The following LRP1B variants were observed in gnomAD, a reference collection of about 807,000 sequenced individuals.
LRP1B encodes the protein low-density lipoprotein receptor-related protein 1B.
In LRP1B, 217 loss-of-function variants were observed where a neutral mutation model predicts 556.6. That is an observed-to-expected ratio of 0.39 (90% CI 0.35 to 0.44). The LOEUF is 0.44. Ranked by LOEUF, LRP1B falls within the 20% of genes least tolerant of loss-of-function variation. The pLI, the probability that LRP1B is intolerant of heterozygous loss-of-function variation, is 1.00. For missense variants in LRP1B, 5,053 were observed against 5,620.8 expected, an observed-to-expected ratio of 0.90 and a Z score of 3.23; for synonymous variants, 2,047 against 1,865.8, an observed-to-expected ratio of 1.10 and a Z score of -2.50.
At chr2:140,496,074 C>T (rs1474570875) in intron 55 of LRP1B, among the ~76,000 whole-genome samples, 1 of 152,112 alleles carries the variant, frequency 6.6e-6, no homozygotes. Context: ...TTTTCTATTG[C>T]ATTACATTGT....
At chr2:140,540,944 C>A (rs2105016291) in intron 45 of LRP1B, 29 bp downstream of exon 45, 2 of 1,597,900 alleles carry the variant, frequency 1.3e-6, no homozygotes, top group South Asian at 2.3e-5. Flanking sequence ...ACAGATTTGT[C>A]ATATTACATT....
intron 2 of LRP1B, among the ~76,000 whole-genome samples, chr2:141,712,925 G>A (rs564897029): frequency 1.0e-3 from 147 of 146,616 alleles, no homozygotes; most frequent in Non-Finnish European, 1.7e-3. Context: ...TGACCTGCCT[G>A]CCTCAGCCTC....
chr2:141,942,480 A>G (rs1700837659), intron 1 of LRP1B, among the ~76,000 whole-genome samples: 1 of 152,134 alleles, frequency 6.6e-6, no homozygotes, highest in South Asian at 2.1e-4. Context: ...AGAGAACACA[A>G]TTTGTAAAAA....
In LRP1B at chr2:141,981,129, T is replaced by G. The variant is rs57830428; in HGVS notation, c.82+149519A>C. Among the ~76,000 whole-genome samples, 827 of 152,158 alleles carry G rather than the reference T, an allele frequency of 5.4e-3. 11 individuals carry two copies. Among genetic ancestry groups the G allele is most frequent in the African/African-American group, 0.019 (783 of 41,522 alleles). On this transcript the variant is annotated intron_variant, in intron 1 of 90. Coordinates refer to ENST00000389484, the MANE Select transcript of LRP1B (RefSeq NM_018557.3). ...GGGCTTAGTTTCCTCATTTGTAAAATGAGTGATGAGAAGAGACCATCTACT... is the reference window on the plus strand; with the variant it reads ...GGGCTTAGTTTCCTCATTTGTAAAAGGAGTGATGAGAAGAGACCATCTACT...
At chr2:141,705,657 G>A (rs1558816790) in intron 2 of LRP1B, among the ~76,000 whole-genome samples, 4 of 151,946 alleles carry the variant, frequency 2.6e-5, no homozygotes, top group Admixed American at 2.0e-4. Context: ...ACTGTGTTCT[G>A]GATACTATTC....
chr2:141,467,075 T>C lies in LRP1B; in HGVS notation c.343+13321A>G, dbSNP rs1055677531. ...CCTCACTGGCTCCCCAGGATATATA[T>C]ATACACACACACACACATATATATG... On this transcript the variant is annotated intron_variant, in intron 3 of 90. Transcript: ENST00000389484. Among the ~76,000 whole-genome samples the C allele has an allele frequency of 1.1e-3, 126 of 119,784 alleles. 2 individuals carry two copies. The highest frequency in any genetic ancestry group is 3.3e-3 in the Admixed American group (37 of 11,316). 78.6% of individuals were successfully genotyped at this position (119,784 alleles called of 152,430 possible). A position where few individuals can be genotyped will look rare whatever the true frequency, so the allele number is the denominator to read the frequency against.
chr2:140,709,200 A>C (rs1329055427), intron 37 of LRP1B, among the ~76,000 whole-genome samples: 1 of 152,104 alleles, frequency 6.6e-6, no homozygotes, highest in Non-Finnish European at 1.5e-5. Flanking sequence ...GAGAGAAAAC[A>C]TGTATCCTGG....
intron 41 of LRP1B, among the ~76,000 whole-genome samples, chr2:140,640,071 C>T (rs1483973672): frequency 2.0e-5 from 3 of 151,996 alleles, no homozygotes; most frequent in African/African-American, 4.8e-5. Flanking sequence ...GGCACGATCT[C>T]GGCTCACTGC....
At chr2:141,463,607 A>ATATATATAATATATATTATATATATAT (rs1559084023) in intron 3 of LRP1B, among the ~76,000 whole-genome samples, 89 of 108,424 alleles carry the variant, frequency 8.2e-4, no homozygotes, top group Admixed American at 2.9e-3. Flanking sequence ...ATTATATATT[A>ATATATATAATATATATTATATATATAT]TATATAATTA....
chr2:141,171,721 A>C (rs1297654441), intron 7 of LRP1B, among the ~76,000 whole-genome samples: 1 of 151,924 alleles, frequency 6.6e-6, no homozygotes, highest in Non-Finnish European at 1.5e-5. Flanking sequence ...CTGAATCCTG[A>C]CTGAAACATT....
At chr2:141,699,131 A>G (rs1190462315) in intron 2 of LRP1B, among the ~76,000 whole-genome samples, 1 of 151,866 alleles carries the variant, frequency 6.6e-6, no homozygotes, top group Non-Finnish European at 1.5e-5. Context: ...ATAAGCACGA[A>G]GAGAGAAATT....
intron 72 of LRP1B, among the ~76,000 whole-genome samples, 178 bp from the exon 73 acceptor site, chr2:140,359,124 TAAC>T (rs1346669229): frequency 6.6e-6 from 1 of 151,708 alleles, no homozygotes; most frequent in African/African-American, 2.4e-5. Context: ...TTCTAGTTAT[TAAC>T]TACAGAAAAA....
At chr2:140,357,236 A>G (rs1225956557) in intron 74 of LRP1B, among the ~76,000 whole-genome samples, 1 of 151,736 alleles carries the variant, frequency 6.6e-6, no homozygotes, top group Non-Finnish European at 1.5e-5. Context: ...TTTAATTATT[A>G]TCGTTGTAAC....
chr2:140,559,760 G>GAA (rs35908593), intron 43 of LRP1B, among the ~76,000 whole-genome samples: 5,236 of 145,332 alleles, frequency 0.036, 138 homozygotes, highest in African/African-American at 0.073. Context: ...ATAAATAATT[G>GAA]AAAAAAAAAA....
chr2:141,455,398 C>A (rs890450344), intron 3 of LRP1B, among the ~76,000 whole-genome samples: 1 of 152,162 alleles, frequency 6.6e-6, no homozygotes, highest in Non-Finnish European at 1.5e-5. Context: ...GCTTGCTCAG[C>A]GATCTGTATC....
chr2:141,230,480 G>A (rs977550504), intron 5 of LRP1B, among the ~76,000 whole-genome samples: 1 of 152,132 alleles, frequency 6.6e-6, no homozygotes, highest in African/African-American at 2.4e-5. Context: ...AAAATGCTAA[G>A]GCAGATAAGG....
At chr2:141,394,362 G>A (rs976508551) in intron 3 of LRP1B, among the ~76,000 whole-genome samples, 1 of 151,984 alleles carries the variant, frequency 6.6e-6, no homozygotes, top group Non-Finnish European at 1.5e-5. Context: ...AATTTTCTTT[G>A]CTATTGGCAA....
chr2:140,414,918 G>A (rs561980038), intron 66 of LRP1B, among the ~76,000 whole-genome samples: 1 of 152,278 alleles, frequency 6.6e-6, no homozygotes, highest in East Asian at 1.9e-4. Context: ...GCCTATAAAT[G>A]GATGTGCAAA....
rs2105183042 is a variant in LRP1B, at chr2:140,378,243, C to T, written c.10575G>A (p.Gly3525=). 2 of 1,613,566 alleles carry T rather than the reference C, an allele frequency of 1.2e-6. No homozygotes were observed. Among genetic ancestry groups the T allele is most frequent in the Non-Finnish European group, 1.7e-6 (2 of 1,179,662 alleles). ...ACCAAAACCTTGAAGAAACACAGTC[C>T]CCATTGGCACAGAGGAAATCTTTCA... is the stretch of plus-strand genomic sequence containing the variant. The part of the protein sequence containing the change: ...CTLKDFLCAN[G]DCVSSRFWCD... Residue 3525 remains glycine (G), a synonymous_variant, in exon 68 of 91, where the codon GGG becomes GGA. Coordinates refer to ENST00000389484, the MANE Select transcript of LRP1B (RefSeq NM_018557.3).
Sources: allele counts gnomAD v4.1 joint callset (sites outside exome capture counted in the v4.1 genomes callset), GRCh38; gene constraint gnomAD v4.1.1; transcripts MANE v1.5; gene names NCBI Gene and HGNC (gene_info 2026-07-23, HGNC 2026-07-21).